The following BCL2L11 variants were observed in gnomAD, a reference collection of about 807,000 sequenced individuals.
BCL2L11 encodes the protein BCL2 like 11, also known as bcl-2-like protein 11.
Under a neutral mutation model 20.6 loss-of-function variants are expected in BCL2L11, and 15 were observed. The observed-to-expected ratio is 0.73, with a 90% CI of 0.49 to 1.12. The LOEUF (loss-of-function observed/expected upper bound fraction) is 1.12. BCL2L11 is among the 50% of genes most tolerant of loss of function. The pLI is 0.00. For missense variants in BCL2L11, 292 were observed against 260.9 expected (o/e 1.12, Z -0.82); for synonymous variants, 108 against 92.8 (o/e 1.16, Z -0.94).
rs939042908 is a variant in BCL2L11 at position 111,167,750 on chromosome 2, C to T, written c.*3519C>T. The T allele has an allele frequency of 6.6e-6, 1 of 152,402 alleles. No individual in the cohort carries two copies. Among genetic ancestry groups the T allele is most frequent in the Non-Finnish European group, 1.5e-5 (1 of 68,120 alleles). The allele number at this position is 152,402 out of a possible 1,614,324, so 9.4% of individuals were successfully genotyped here. ...GTGCTTTGAGGTTGGACTAACTTGT[C>T]TTCAGGAGCTAATTAACTGTACAGC... On this transcript the variant is annotated 3_prime_UTR_variant, in exon 4 of 4. Transcript: ENST00000393256.
chr2:111,138,181 G>A (rs1035521278), intron 2 of BCL2L11, among the ~76,000 whole-genome samples: 2 of 151,838 alleles, frequency 1.3e-5, no homozygotes, highest in African/African-American at 2.4e-5. Context: ...GCTAATTTTT[G>A]TATTTTTAGT....
intron 3 of BCL2L11, among the ~76,000 whole-genome samples, chr2:111,159,813 CT>C (rs2078338600): frequency 6.6e-6 from 1 of 152,348 alleles, no homozygotes; most frequent in East Asian, 1.9e-4. Context: ...GGTACAGCTC[CT>C]CCCAGGTTGC....
At chr2:111,147,607 GCATT>G (rs570992461) in intron 2 of BCL2L11, among the ~76,000 whole-genome samples, 1 of 152,190 alleles carries the variant, frequency 6.6e-6, no homozygotes, top group South Asian at 2.1e-4. Flanking sequence ...TAGGTTGAAT[GCATT>G]CACTAAGTGC....
In BCL2L11 at chr2:111,161,680, C is replaced by T. The variant is rs10201315; in HGVS notation, c.499-2453C>T. 3,757 of 1,117,358 alleles carry T rather than the reference C, an allele frequency of 3.4e-3. 89 individuals carry two copies. The African/African-American group carries it at 0.046, about 14-fold the overall frequency. 69.2% of individuals were successfully genotyped at this position (1,117,358 alleles called of 1,614,324 possible). The stretch of plus-strand genomic sequence containing the variant: ...TCCCCTGCAATACAGGGATTGTCAT[C>T]TTTAGTCCTGACTTTCCAATTCCAT... On this transcript the variant is annotated intron_variant, in intron 3 of 3. Coordinates refer to ENST00000393256, the MANE Select transcript of BCL2L11 (RefSeq NM_138621.5).
intron 2 of BCL2L11, among the ~76,000 whole-genome samples, chr2:111,146,640 G>T (rs2076551181): frequency 6.6e-6 from 1 of 152,172 alleles, no homozygotes; most frequent in African/African-American, 2.4e-5. Flanking sequence ...GGGGCTTACA[G>T]ACCCCATTCA....
rs182398440 is a variant in BCL2L11 at position 111,126,857 on chromosome 2, C to T, written c.394+2718C>T. Among the ~76,000 whole-genome samples the T allele has an allele frequency of 3.9e-3, 600 of 152,250 alleles. 1 individual carries two copies. Among genetic ancestry groups the T allele is most frequent in the Non-Finnish European group, 6.5e-3 (445 of 68,022 alleles). ...AAGAGGTTCGCCTTAGCCAGGGGCT[C>T]CTTTAGCTGCAAAGCAGTTTTTTGC... On this transcript the variant is annotated intron_variant, in intron 2 of 3. Coordinates refer to ENST00000393256, the MANE Select transcript of BCL2L11 (RefSeq NM_138621.5).
At chr2:111,124,642 G>C (rs1000943492) in intron 2 of BCL2L11, among the ~76,000 whole-genome samples, 1 of 152,146 alleles carries the variant, frequency 6.6e-6, no homozygotes, top group Non-Finnish European at 1.5e-5. Flanking sequence ...ATGAGTTGAG[G>C]TCCAAACATT....
At chr2:111,127,670 A>G (rs1486379425) in intron 2 of BCL2L11, among the ~76,000 whole-genome samples, 1 of 152,140 alleles carries the variant, frequency 6.6e-6, no homozygotes, top group Non-Finnish European at 1.5e-5. Flanking sequence ...CTGCTCTGCC[A>G]AAGTGTTTTT....
In BCL2L11 at chr2:111,164,299, C is replaced by A; in HGVS notation, c.*68C>A. ...TGTTCAAACCAACAAGACCCAGCAC[C>A]GCGGTCTCCTGGTGCCATTATTATG... is the stretch of plus-strand genomic sequence containing the variant. On this transcript the variant is annotated 3_prime_UTR_variant, in exon 4 of 4. Coordinates refer to ENST00000393256, the MANE Select transcript of BCL2L11 (RefSeq NM_138621.5). 1.7e-6 allele frequency: 2 copies of A among 1,190,724 alleles called. No individual in the cohort carries two copies. The highest frequency in any genetic ancestry group is 1.7e-5 in the Admixed American group (1 of 59,256). The allele number at this position is 1,190,724 out of a possible 1,614,324, so 73.8% of individuals were successfully genotyped here.
chr2:111,139,013 C>T (rs367877960), intron 2 of BCL2L11, among the ~76,000 whole-genome samples: 4 of 152,240 alleles, frequency 2.6e-5, no homozygotes, highest in African/African-American at 4.8e-5. Context: ...TACTGCTTTC[C>T]GTGGAAAGGA....
In BCL2L11 at chr2:111,150,153, G is replaced by A. The variant is rs1444159465; in HGVS notation, c.498+6G>A. On this transcript the variant is annotated splice_donor_region_variant and intron_variant, in intron 3 of 3. Transcript: ENST00000393256. Reference sequence around the variant, plus strand: ...ACGCTTACTATGCAAGGAGGGTAATGATGTTTTCTTTACCCGCTTTTCTGC... The same window carrying A: ...ACGCTTACTATGCAAGGAGGGTAATAATGTTTTCTTTACCCGCTTTTCTGC... 1 of 1,613,044 alleles carries A rather than the reference G, an allele frequency of 6.2e-7. No homozygotes were observed. Among genetic ancestry groups the A allele is most frequent in the Non-Finnish European group, 8.5e-7 (1 of 1,179,448 alleles).
intron 3 of BCL2L11, among the ~76,000 whole-genome samples, chr2:111,154,565 A>G (rs2077616251): frequency 6.6e-6 from 1 of 152,036 alleles, no homozygotes; most frequent in Non-Finnish European, 1.5e-5. Flanking sequence ...GCATGATGAG[A>G]CTCAGGTTTT....
chr2:111,137,115 A>T (rs1176251925), intron 2 of BCL2L11, among the ~76,000 whole-genome samples: 9 of 152,220 alleles, frequency 5.9e-5, no homozygotes, highest in Admixed American at 5.2e-4. Flanking sequence ...CTTACTAAAG[A>T]TTCAGACTTG....
chr2:111,121,959 G>C (rs2071074768), intron 1 of BCL2L11, among the ~76,000 whole-genome samples: 1 of 152,336 alleles, frequency 6.6e-6, no homozygotes, highest in Middle Eastern at 3.4e-3. Flanking sequence ...CACCCGACCC[G>C]GTTCGCGGTG....
chr2:111,148,432 A>G (rs2076839941), intron 2 of BCL2L11, among the ~76,000 whole-genome samples: 1 of 152,244 alleles, frequency 6.6e-6, no homozygotes, highest in South Asian at 2.1e-4. Flanking sequence ...GAACTATGAC[A>G]TCAGCATCAC....
chr2:111,123,917 G>A lies in BCL2L11; in HGVS notation c.172G>A (p.Gly58Ser), dbSNP rs753995918. The A allele has an allele frequency of 1.7e-5, 27 of 1,613,464 alleles. 1 individual carries two copies. The South Asian group carries it at 2.3e-4, about 14-fold the overall frequency. ...AGGTGAAGGGGACAGCTGCCCCCACGGCAGCCCTCAGGGCCCGCTGGCCCC... is the reference window on the plus strand; with the variant it reads ...AGGTGAAGGGGACAGCTGCCCCCACAGCAGCCCTCAGGGCCCGCTGGCCCC... The part of the protein sequence containing the change: ...HGGEGDSCPH[G>S]SPQGPLAPPA... Residue 58 changes from glycine (G) to serine (S), a missense_variant, in exon 2 of 4, where the codon GGC becomes AGC. By Grantham distance (56) the Gly-to-Ser change is moderately conservative. Transcript: ENST00000393256.
chr2:111,143,921 T>A (rs990229730), intron 2 of BCL2L11, among the ~76,000 whole-genome samples: 1 of 152,210 alleles, frequency 6.6e-6, no homozygotes. Flanking sequence ...AAGGGACAGA[T>A]AATAGTGAAT....
chr2:111,131,984 G>A lies in BCL2L11; in HGVS notation c.394+7845G>A, dbSNP rs550991859. 4 of 152,256 alleles carry A rather than the reference G, an allele frequency of 2.6e-5. No homozygotes were observed. The South Asian group carries it at 8.3e-4, about 32-fold the overall frequency. The allele number at this position is 152,256 out of a possible 1,614,324, so 9.4% of individuals were successfully genotyped here. On this transcript the variant is annotated intron_variant, in intron 2 of 3. Coordinates refer to ENST00000393256, the MANE Select transcript of BCL2L11 (RefSeq NM_138621.5). ...TCTTGGAGGCATTCGCAAAACCAGG[G>A]TTAATCAGAAGTTAACACAGCAGAT...
chr2:111,160,713 A>T (rs530495081), intron 3 of BCL2L11, among the ~76,000 whole-genome samples: 4 of 152,222 alleles, frequency 2.6e-5, no homozygotes, highest in Non-Finnish European at 4.4e-5. Flanking sequence ...ACTGTAGTAT[A>T]TGGTCACTTC....
Sources: allele counts gnomAD v4.1 joint callset (sites outside exome capture counted in the v4.1 genomes callset), GRCh38; gene constraint gnomAD v4.1.1; transcripts MANE v1.5; gene names NCBI Gene and HGNC (gene_info 2026-07-23, HGNC 2026-07-21).